RTL4: variants seen among roughly 807,000 people sequenced by gnomAD.
RTL4 encodes retrotransposon Gag-like protein 4.
In RTL4, 4 loss-of-function variants were observed where a neutral mutation model predicts 5.3. That is an observed-to-expected ratio of 0.75 (90% CI 0.37 to 1.72). RTL4 has a LOEUF of 1.72. Ranked by LOEUF, RTL4 falls within the 40% of genes most tolerant of loss-of-function variation. RTL4 has a pLI of 0.04. For synonymous variants in RTL4, 98 were observed against 87.3 expected (o/e 1.12, Z -0.68); for missense variants, 260 against 227.1 (o/e 1.14, Z -0.93).
chrX:112,357,737 AT>A, the RTL4 span, among the ~76,000 whole-genome samples: 1 of 111,788 alleles, frequency 8.9e-6, no homozygotes, highest in Non-Finnish European at 1.9e-5. Context: ...CAACACTGAT[AT>A]AATCAGAGCA....
the RTL4 span, among the ~76,000 whole-genome samples, chrX:112,370,693 A>G: frequency 9.0e-6 from 1 of 110,952 alleles, no homozygotes; most frequent in African/African-American, 3.3e-5. Context: ...TGAAAGGTTC[A>G]TATTTTAGGT....
the RTL4 span, among the ~76,000 whole-genome samples, chrX:112,147,297 C>CT: frequency 9.0e-6 from 1 of 111,288 alleles, no homozygotes. Context: ...TCTCTCCCCT[C>CT]TTCCCCTTCT....
chrX:112,176,932 G>A, the RTL4 span, among the ~76,000 whole-genome samples: 1 of 110,772 alleles, frequency 9.0e-6, no homozygotes, highest in Non-Finnish European at 1.9e-5. Context: ...AGTATTTGTT[G>A]TTCTGTGCCT....
At chrX:112,295,832 G>A in the RTL4 span, among the ~76,000 whole-genome samples, 328 of 112,236 alleles carry the variant, frequency 2.9e-3, 1 homozygote, top group African/African-American at 0.01. Flanking sequence ...CGAAATTACT[G>A]TGCAGTTTGC....
the RTL4 span, among the ~76,000 whole-genome samples, chrX:112,151,211 A>G: frequency 2.7e-5 from 3 of 112,418 alleles, no homozygotes; most frequent in Admixed American, 9.4e-5. Flanking sequence ...GCACGGTCTC[A>G]CAGAGCATGG....
At chrX:112,217,444 C>G in the RTL4 span, among the ~76,000 whole-genome samples, 1 of 111,707 alleles carries the variant, frequency 9.0e-6, no homozygotes, top group Non-Finnish European at 1.9e-5. Flanking sequence ...GGAGTAGAAT[C>G]CAGTTTTAAG....
exon 1 of RTL4, chrX:112,455,067 A>G (rs1312320523): frequency 1.7e-6 from 2 of 1,211,827 alleles, no homozygotes; most frequent in South Asian, 3.5e-5. Flanking sequence ...GTGGGATCAT[A>G]TCTGGGCCTG....
At chrX:112,191,460 G>A in the RTL4 span, among the ~76,000 whole-genome samples, 2 of 111,064 alleles carry the variant, frequency 1.8e-5, no homozygotes, top group Non-Finnish European at 1.9e-5. Context: ...TGGCTTTGTT[G>A]GCATCCTAGG....
chrX:112,230,650 G>T, the RTL4 span, among the ~76,000 whole-genome samples: 368 of 112,041 alleles, frequency 3.3e-3, 1 homozygote, highest in African/African-American at 0.011. Context: ...TTCGGCCATC[G>T]TGGCTCCACT....
At chrX:112,393,844 G>C in the RTL4 span, among the ~76,000 whole-genome samples, 1 of 111,812 alleles carries the variant, frequency 8.9e-6, no homozygotes, top group African/African-American at 3.3e-5. Flanking sequence ...TGCTCAGCCC[G>C]CTGGATGCAG....
the RTL4 span, among the ~76,000 whole-genome samples, chrX:112,380,903 C>A: frequency 9.0e-6 from 1 of 111,605 alleles, no homozygotes; most frequent in Non-Finnish European, 1.9e-5. Flanking sequence ...GAGATGGGGT[C>A]CCGAGGGCAG....
the RTL4 span, among the ~76,000 whole-genome samples, chrX:112,436,669 A>AT: frequency 0.016 from 1,714 of 104,837 alleles, 15 homozygotes; most frequent in Non-Finnish European, 0.021. Flanking sequence ...AGAGAAGGAC[A>AT]TTTTTTTTTT....
At chrX:112,165,389 C>G in the RTL4 span, among the ~76,000 whole-genome samples, 1 of 111,930 alleles carries the variant, frequency 8.9e-6, no homozygotes, top group Non-Finnish European at 1.9e-5. Flanking sequence ...ACCATCCTAT[C>G]CAACACTTGA....
At chrX:112,169,075 C>T in the RTL4 span, among the ~76,000 whole-genome samples, 2 of 33,158 alleles carry the variant, frequency 6.0e-5, no homozygotes, top group African/African-American at 9.4e-5. Flanking sequence ...TTTCTTTTTT[C>T]TTTCTTTCTT....
the RTL4 span, among the ~76,000 whole-genome samples, chrX:112,425,538 C>A: frequency 9.0e-6 from 1 of 111,492 alleles, no homozygotes; most frequent in South Asian, 3.8e-4. Context: ...GTTTTGCATT[C>A]TCACCAGCAA....
chrX:112,351,851 T>A, the RTL4 span, among the ~76,000 whole-genome samples: 1 of 109,723 alleles, frequency 9.1e-6, no homozygotes, highest in Non-Finnish European at 1.9e-5. Context: ...TTAATTGGAG[T>A]ATTTAGCCCA....
At chrX:112,123,509 G>T in the RTL4 span, among the ~76,000 whole-genome samples, 118 of 111,993 alleles carry the variant, frequency 1.1e-3, no homozygotes, top group African/African-American at 3.7e-3. Context: ...TAAAGAAGGG[G>T]TCCAGTTTCA....
the RTL4 span, among the ~76,000 whole-genome samples, chrX:112,211,014 TGTATAAAAGAATA>T: frequency 1.8e-5 from 2 of 112,407 alleles, no homozygotes; most frequent in Non-Finnish European, 3.7e-5. Flanking sequence ...TCTAAAACTC[TGTATAAAAGAATA>T]GTAAAGCAGT....
chrX:112,376,272 A>G, the RTL4 span, among the ~76,000 whole-genome samples: 1 of 111,912 alleles, frequency 8.9e-6, no homozygotes, highest in African/African-American at 3.2e-5. Flanking sequence ...TGGAATATCC[A>G]AATATGTCAA....
Sources: gnomAD v4.1 joint callset for allele counts (sites outside exome capture counted in the v4.1 genomes callset) on GRCh38, gnomAD v4.1.1 for gene constraint, MANE v1.5 for transcripts, NCBI Gene and HGNC (gene_info 2026-07-23, HGNC 2026-07-21) for gene names.